The following KMT2C variants were observed in gnomAD, a reference collection of about 807,000 sequenced individuals.
KMT2C encodes lysine methyltransferase 2C, also known as histone-lysine N-methyltransferase 2C.
KMT2C carries 88 observed loss-of-function variants against 507.9 expected under a neutral mutation model. The ratio of observed to expected loss-of-function variants is 0.17; its 90% confidence interval spans 0.15 to 0.21. The LOEUF is 0.21. Among genes scored for constraint, KMT2C ranks in the 10% least tolerant of loss-of-function variants. The pLI, the probability that KMT2C is intolerant of heterozygous loss-of-function variation, is 1.00. For synonymous variants in KMT2C, 2,049 were observed against 2,080.8 expected, an observed-to-expected ratio of 0.98 and a Z score of 0.42; for missense variants, 4,954 against 5,957.8, an observed-to-expected ratio of 0.83 and a Z score of 5.55.
At chr7:152,223,929 T>C (rs2094851774) in intron 20 of KMT2C, 86 bp downstream of exon 20, 1 of 1,042,510 alleles carries the variant, frequency 9.6e-7, no homozygotes, top group Non-Finnish European at 1.4e-6. Context: ...AACTTGTGAT[T>C]AAGGAAAAGC....
At chr7:152,250,512 A>T (rs1450351519) in intron 12 of KMT2C, among the ~76,000 whole-genome samples, 2 of 152,164 alleles carry the variant, frequency 1.3e-5, no homozygotes, top group African/African-American at 4.8e-5. Context: ...AGATGATCCA[A>T]TACAGTAAAT....
At chr7:152,430,628 C>T (rs1056925522) in intron 1 of KMT2C, among the ~76,000 whole-genome samples, 6 of 152,192 alleles carry the variant, frequency 3.9e-5, no homozygotes, top group Non-Finnish European at 7.3e-5. Flanking sequence ...CTCCAAGCCT[C>T]ACACAATCTT....
At chr7:152,384,584 C>T (rs138521475) in intron 1 of KMT2C, among the ~76,000 whole-genome samples, 34 of 5,924 alleles carry the variant, frequency 5.7e-3, no homozygotes, top group African/African-American at 0.023. Flanking sequence ...ACCACCACCA[C>T]CACCACCACC....
At position 152,180,023 on chromosome 7, in the gene KMT2C, C is replaced by G. The variant is rs372345714; in HGVS notation, c.7253G>C (p.Gly2418Ala). 7.4e-6 allele frequency: 12 copies of G among 1,614,030 alleles called. No individual in the cohort carries two copies. The highest frequency in any genetic ancestry group is 1.7e-5 in the Admixed American group (1 of 60,010). The change falls in exon 37 of 59, where the codon GGG (glycine) becomes GCG (alanine). Residue 2418 changes from glycine to alanine, a missense_variant. Gly to Ala is a moderately conservative substitution (Grantham distance 60). Transcript: ENST00000262189. ...CTCTGGTTGCCAGTGTTGAAGAGGC[C>G]CTGGATGAGGCACTGCGGGTGAGTC... is the stretch of plus-strand genomic sequence containing the variant. ...SQDSPAVPHP[G>A]PLQHWQPENV...
chr7:152,189,806 G>C (rs1345144365), intron 31 of KMT2C, among the ~76,000 whole-genome samples: 3 of 152,152 alleles, frequency 2.0e-5, no homozygotes, highest in East Asian at 3.8e-4. Context: ...TAAAGGGCAA[G>C]ATTTCTGCTT....
chr7:152,385,420 G>A lies in KMT2C; in HGVS notation c.162-26745C>T, dbSNP rs1190095439. Among the ~76,000 whole-genome samples the A allele has an allele frequency of 2.2e-5, 3 of 135,016 alleles. 1 individual carries two copies. The highest frequency in any genetic ancestry group is 1.5e-5 in the Non-Finnish European group (1 of 67,208). The allele number at this position is 135,016 out of a possible 152,430, so 88.6% of individuals were successfully genotyped here. A position where few individuals can be genotyped will look rare whatever the true frequency, so the allele number is the denominator to read the frequency against. ...GAGGTCAGGAGATCGAGACCATCCC[G>A]GCTAAAACGGTGAAACCCCGTCTCT... On this transcript the variant is annotated intron_variant, in intron 1 of 58. Coordinates refer to ENST00000262189, the MANE Select transcript of KMT2C (RefSeq NM_170606.3).
chr7:152,149,769 A>G (rs2091453192), intron 51 of KMT2C, among the ~76,000 whole-genome samples: 1 of 152,194 alleles, frequency 6.6e-6, no homozygotes, highest in South Asian at 2.1e-4. Flanking sequence ...TAGCTTATTT[A>G]CTTTATGGTA....
At chr7:152,153,054 T>C (rs976492211) in intron 48 of KMT2C, 100 bp from the exon 49 acceptor site, 10 of 1,397,434 alleles carry the variant, frequency 7.2e-6, no homozygotes, top group East Asian at 7.0e-5. Flanking sequence ...GCATGATACA[T>C]AGATTCTAAG....
chr7:152,154,316 T>C lies in KMT2C; in HGVS notation c.12090A>G (p.Glu4030=). 6.2e-7 allele frequency: 1 copy of C among 1,614,220 alleles called. No individual in the cohort carries two copies. The part of the protein sequence containing the change: ...DLSLVKEEPP[E]PVPSPIIPIL... ...TTGGAATGATGGGGGACGGCACCGG[T>C]TCTGGAGGCTCCTCCTTGACCAATG... The change falls in exon 47 of 59, where the codon GAA becomes GAG. Residue 4030 remains glutamate (E), a synonymous_variant. Transcript: ENST00000262189.
chr7:152,154,280 G>A lies in KMT2C; in HGVS notation c.12126C>T (p.Ser4042=). ...VPSPIIPILP[S]TAGKSSESRR... ...TGTTGTTCTTACTTTTCCCAGCAGT[G>A]CTAGGAAGAATTGGAATGATGGGGG... The change falls in exon 47 of 59, where the codon AGC becomes AGT. Residue 4042 remains serine (S), a synonymous_variant. Coordinates refer to ENST00000262189, the MANE Select transcript of KMT2C (RefSeq NM_170606.3). 6.2e-7 allele frequency: 1 copy of A among 1,614,210 alleles called. No individual in the cohort carries two copies. Among genetic ancestry groups the A allele is most frequent in the East Asian group, 2.2e-5 (1 of 44,888 alleles).
rs2129115213 is a variant in KMT2C at position 152,177,673 on chromosome 7, T to C, written c.7780A>G (p.Ile2594Val). The change falls in exon 38 of 59, where the codon ATT becomes GTT. Residue 2594 changes from isoleucine to valine, a missense_variant. This residue lies in a region of KMT2C where 1,689 missense variants were observed against 1,654.3 expected (regional missense o/e 1.02). Transcript: ENST00000262189. Reference sequence around the variant, plus strand: ...GGGCCCGGAAAGTCTGGCCGGGGAATGAAGTTTCCATGTCTCAGATTAGAA... The same window carrying C: ...GGGCCCGGAAAGTCTGGCCGGGGAACGAAGTTTCCATGTCTCAGATTAGAA... Reference protein sequence around the residue: ...ASSNLRHGNFIPRPDFPGPRH... With the variant: ...ASSNLRHGNFVPRPDFPGPRH... 1.2e-6 allele frequency: 2 copies of C among 1,614,076 alleles called. No individual in the cohort carries two copies. Among genetic ancestry groups the C allele is most frequent in the South Asian group, 2.2e-5 (2 of 91,066 alleles).
chr7:152,334,081 T>TCC (rs201019038), intron 2 of KMT2C, among the ~76,000 whole-genome samples: 5 of 147,554 alleles, frequency 3.4e-5, no homozygotes, highest in East Asian at 2.0e-4. Context: ...ACAATTTGAA[T>TCC]CCCCCCCCAA....
At chr7:152,286,802 A>G (rs2096306173) in intron 6 of KMT2C, among the ~76,000 whole-genome samples, 1 of 152,232 alleles carries the variant, frequency 6.6e-6, no homozygotes, top group South Asian at 2.1e-4. Context: ...TCATATATAC[A>G]AGAAAAGTTG....
At chr7:152,313,468 AC>A (rs1400164744) in intron 4 of KMT2C, among the ~76,000 whole-genome samples, 2 of 152,138 alleles carry the variant, frequency 1.3e-5, no homozygotes, top group African/African-American at 4.8e-5. Context: ...ACTAAGGATG[AC>A]AGCAGCCCAG....
chr7:152,342,801 G>A (rs1426405864), intron 2 of KMT2C, among the ~76,000 whole-genome samples: 1 of 152,138 alleles, frequency 6.6e-6, no homozygotes, highest in East Asian at 1.9e-4. Context: ...CAGCAGGAGG[G>A]GAAAAGGAAC....
At chr7:152,434,340 A>T (rs1160662241) in intron 1 of KMT2C, among the ~76,000 whole-genome samples, 7 of 152,216 alleles carry the variant, frequency 4.6e-5, no homozygotes, top group African/African-American at 1.7e-4. Context: ...GAAGGCCCTG[A>T]ATCATTTTCA....
In KMT2C at chr7:152,264,063, T is replaced by C. The variant is rs190739286; in HGVS notation, c.1185-933A>G. On this transcript the variant is annotated intron_variant, in intron 8 of 58. Coordinates refer to ENST00000262189, the MANE Select transcript of KMT2C (RefSeq NM_170606.3). ...ATCTCCTCAGCTACGTGGAAAGATC[T>C]TGGAGGACAAGTACTCTTCCTTCAA... Among the ~76,000 whole-genome samples the C allele has an allele frequency of 1.2e-4, 19 of 152,288 alleles. No individual in the cohort carries two copies. The East Asian group carries it at 3.1e-3, about 25-fold the overall frequency.
chr7:152,202,531 A>C (rs950452542), intron 26 of KMT2C, among the ~76,000 whole-genome samples: 2 of 152,194 alleles, frequency 1.3e-5, no homozygotes, highest in African/African-American at 4.8e-5. Flanking sequence ...TTAAAGCTAT[A>C]ACTTTGGCTG....
intron 2 of KMT2C, among the ~76,000 whole-genome samples, chr7:152,336,314 G>A (rs2096935440): frequency 6.6e-6 from 1 of 152,172 alleles, no homozygotes; most frequent in Middle Eastern, 3.2e-3. Flanking sequence ...CTTAGTATCT[G>A]TCAAAGTCAA....
Sources: gnomAD v4.1 joint callset for allele counts (sites outside exome capture counted in the v4.1 genomes callset) on GRCh38, gnomAD v4.1.1 for gene constraint, gnomAD v4.1.1 regional missense constraint, MANE v1.5 for transcripts, NCBI Gene and HGNC (gene_info 2026-07-23, HGNC 2026-07-21) for gene names.